TCERG1L: variants seen among roughly 807,000 people sequenced by gnomAD.
TCERG1L encodes the protein transcription elongation regulator 1-like protein.
In TCERG1L, 37 loss-of-function variants were observed where a neutral mutation model predicts 56.3. The observed-to-expected ratio is 0.66, with a 90% CI of 0.51 to 0.87. The LOEUF (loss-of-function observed/expected upper bound fraction) is 0.87, where lower values mean the gene tolerates loss of function less well. Among genes scored for constraint, TCERG1L ranks in the 40% least tolerant of loss-of-function variants. TCERG1L has a pLI of 0.00. For missense variants in TCERG1L, 799 were observed against 774.2 expected (o/e 1.03, Z -0.38); for synonymous variants, 324 against 326.3 (o/e 0.99, Z 0.08).
intron 4 of TCERG1L, among the ~76,000 whole-genome samples, chr10:131,176,945 C>CAGTGTA (rs1846164463): frequency 9.6e-4 from 133 of 138,934 alleles, no homozygotes; most frequent in African/African-American, 2.4e-3. Flanking sequence ...TGAACACACA[C>CAGTGTA]CAAGACACGT....
intron 9 of TCERG1L, among the ~76,000 whole-genome samples, chr10:131,113,742 C>A (rs1369722899): frequency 7.1e-6 from 1 of 141,774 alleles, no homozygotes; most frequent in African/African-American, 2.5e-5. Flanking sequence ...TGAAAAGGAC[C>A]AGGACAGCCC....
intron 7 of TCERG1L, among the ~76,000 whole-genome samples, chr10:131,137,278 G>T (rs1845686422): frequency 6.6e-6 from 1 of 152,154 alleles, no homozygotes; most frequent in African/African-American, 2.4e-5. Flanking sequence ...TCTCCCGCTG[G>T]GGCGCTGGGT....
intron 11 of TCERG1L, among the ~76,000 whole-genome samples, chr10:131,096,791 C>T (rs1318463046): frequency 6.6e-6 from 1 of 151,576 alleles, no homozygotes; most frequent in Non-Finnish European, 1.5e-5. Context: ...CCTGTAGTCC[C>T]AGCTACTTGG....
At chr10:131,277,398 G>A (rs1279318226) in intron 3 of TCERG1L, among the ~76,000 whole-genome samples, 1 of 152,214 alleles carries the variant, frequency 6.6e-6, no homozygotes, top group Non-Finnish European at 1.5e-5. Flanking sequence ...CAGCTGCCCA[G>A]ATGGACAGCC....
At chr10:131,247,809 C>T (rs188528826) in intron 4 of TCERG1L, among the ~76,000 whole-genome samples, 1 of 152,322 alleles carries the variant, frequency 6.6e-6, no homozygotes, top group East Asian at 1.9e-4. Context: ...AGCAGCACCA[C>T]CTCTCCCCTG....
At chr10:131,250,377 G>A (rs1846095436) in intron 4 of TCERG1L, among the ~76,000 whole-genome samples, 1 of 92,232 alleles carries the variant, frequency 1.1e-5, no homozygotes, top group Admixed American at 1.0e-4. Context: ...AAGTGAGGTG[G>A]AGGGATCGTG....
chr10:131,151,339 T>C (rs1033308353), intron 6 of TCERG1L, among the ~76,000 whole-genome samples: 2 of 152,178 alleles, frequency 1.3e-5, no homozygotes, highest in African/African-American at 4.8e-5. Flanking sequence ...CGTACAGGCA[T>C]TGGATAAATG....
intron 9 of TCERG1L, among the ~76,000 whole-genome samples, chr10:131,112,264 C>T (rs1305655968): frequency 7.0e-6 from 1 of 142,636 alleles, no homozygotes; most frequent in Non-Finnish European, 1.6e-5. Flanking sequence ...TGTGCCCGCT[C>T]TATTTCTCCA....
intron 4 of TCERG1L, among the ~76,000 whole-genome samples, chr10:131,203,392 G>A (rs1379869635): frequency 6.6e-6 from 1 of 151,260 alleles, no homozygotes; most frequent in East Asian, 2.0e-4. Context: ...ACTGTTTAAT[G>A]AGGCTGATGA....
chr10:131,277,078 TG>T (rs1409368069), intron 3 of TCERG1L, among the ~76,000 whole-genome samples: 6 of 152,066 alleles, frequency 3.9e-5, no homozygotes, highest in African/African-American at 1.4e-4. Context: ...GACGAGAGTT[TG>T]AGATTACAGA....
rs371222815 is a variant in TCERG1L at position 131,188,152 on chromosome 10, C to G, written c.857-21267G>C. Among the ~76,000 whole-genome samples, 29 of 152,352 alleles carry G rather than the reference C, an allele frequency of 1.9e-4. No homozygotes were observed. In the East Asian group the frequency reaches 3.9e-3, roughly 20 times the overall value. On this transcript the variant is annotated intron_variant, in intron 4 of 11. Transcript: ENST00000368642. ...ACAAGAAGATGGAGGGCTTGGCTGT[C>G]CCAGCAGTTAATTGGTTGTGTTATT...
At chr10:131,100,115 C>T (rs1228008922) in intron 10 of TCERG1L, among the ~76,000 whole-genome samples, 2 of 152,218 alleles carry the variant, frequency 1.3e-5, no homozygotes, top group South Asian at 2.1e-4. Context: ...GATCCACCCG[C>T]CTCAGCCTTC....
At position 131,267,902 on chromosome 10, in the gene TCERG1L, G is replaced by T. The variant is rs1344299692; in HGVS notation, c.671-7458C>A. 6.6e-6 allele frequency among the ~76,000 whole-genome samples: 1 copy of T among 152,212 alleles called. No individual in the cohort carries two copies. The highest frequency in any genetic ancestry group is 2.4e-5 in the African/African-American group (1 of 41,460). The stretch of plus-strand genomic sequence containing the variant: ...GGTGATGTTGCCACAAGTTCCCCGG[G>T]GGCCCTAGTGCTCAGGGGTGGTCCA... On this transcript the variant is annotated intron_variant, in intron 3 of 11. Coordinates refer to ENST00000368642, the MANE Select transcript of TCERG1L (RefSeq NM_174937.4). This position sits in a 1 kb window ranked among gnomAD's most constrained non-coding sequence, Gnocchi z 4.9.
rs188285958 is a variant in TCERG1L at position 131,296,595 on chromosome 10, G to C, written c.670+11616C>G. 5.4e-4 allele frequency among the ~76,000 whole-genome samples: 83 copies of C among 152,298 alleles called. 1 individual carries two copies. The East Asian group carries it at 0.011, about 21-fold the overall frequency. The stretch of plus-strand genomic sequence containing the variant: ...ACTCGTTTTCTTCGTCAGAACTACT[G>C]TGGTGATTCCACTTCCTTTGCCTGT... On this transcript the variant is annotated intron_variant, in intron 3 of 11. Transcript: ENST00000368642.
intron 4 of TCERG1L, among the ~76,000 whole-genome samples, chr10:131,213,687 G>A (rs1724409543): frequency 1.3e-5 from 2 of 152,218 alleles, no homozygotes; most frequent in South Asian, 2.1e-4. Context: ...CAGGCCCTCA[G>A]CAGGCACAAG....
At chr10:131,141,371 C>T (rs147932294) in intron 7 of TCERG1L, among the ~76,000 whole-genome samples, 153 of 152,202 alleles carry the variant, frequency 1.0e-3, no homozygotes, top group Non-Finnish European at 2.0e-3. Flanking sequence ...CTCCTGGGGT[C>T]CAGTGTGAGT....
chr10:131,201,619 A>C (rs1589745833), intron 4 of TCERG1L, among the ~76,000 whole-genome samples: 1 of 152,316 alleles, frequency 6.6e-6, no homozygotes, highest in East Asian at 1.9e-4. Flanking sequence ...ATAAAAATAA[A>C]ATAAATCAAT....
rs539249868 is a variant in TCERG1L, at chr10:131,188,836, A to C, written c.857-21951T>G. ...CTCCGCTCCTAAATCTGGCCACACA[A>C]CTGTCACGGAAAGTAATAAATGTCA... On this transcript the variant is annotated intron_variant, in intron 4 of 11. Transcript: ENST00000368642. Among the ~76,000 whole-genome samples, 15 of 152,322 alleles carry C rather than the reference A, an allele frequency of 9.8e-5. No individual in the cohort carries two copies. In the South Asian group the frequency reaches 2.9e-3, roughly 29 times the overall value.
intron 3 of TCERG1L, among the ~76,000 whole-genome samples, chr10:131,268,216 G>A (rs1356838140): frequency 6.6e-6 from 1 of 152,224 alleles, no homozygotes; most frequent in African/African-American, 2.4e-5. Context: ...CATCTTGGAA[G>A]CAGCCACTCT....
Sources: gnomAD v4.1 joint callset for allele counts (sites outside exome capture counted in the v4.1 genomes callset) on GRCh38, gnomAD v4.1.1 for gene constraint, Gnocchi (gnomAD v3.1) non-coding constraint, MANE v1.5 for transcripts, NCBI Gene and HGNC (gene_info 2026-07-23, HGNC 2026-07-21) for gene names.